Variants in CELF2 observed in about 807,000 individuals in gnomAD.
CELF2 encodes the protein CUG triplet repeat RNA-binding protein 2.
CELF2 carries 8 observed loss-of-function variants against 62.6 expected under a neutral mutation model. The ratio of observed to expected loss-of-function variants is 0.13; its 90% confidence interval spans 0.07 to 0.23. The LOEUF (loss-of-function observed/expected upper bound fraction) is 0.23, where lower values mean the gene tolerates loss of function less well. Among genes scored for constraint, CELF2 ranks in the 10% least tolerant of loss-of-function variants. The pLI is 1.00. For synonymous variants in CELF2, 258 were observed against 250.0 expected (o/e 1.03, Z -0.30); for missense variants, 333 against 671.0 (o/e 0.50, Z 5.56).
chr10:11,293,399 A>C (rs2092771264), intron 9 of CELF2, among the ~76,000 whole-genome samples: 1 of 152,230 alleles, frequency 6.6e-6, no homozygotes. Context: ...TATATGAATC[A>C]ATGCAAATGC....
chr10:10,556,201 G>A, the CELF2 span, among the ~76,000 whole-genome samples: 1 of 151,442 alleles, frequency 6.6e-6, no homozygotes, highest in African/African-American at 2.4e-5. Context: ...CCACATCACA[G>A]TCCCCAGAGT....
At chr10:10,579,525 T>TA in the CELF2 span, among the ~76,000 whole-genome samples, 142 of 152,146 alleles carry the variant, frequency 9.3e-4, no homozygotes, top group Non-Finnish European at 1.9e-3. Flanking sequence ...CCCGGGCTGT[T>TA]ATATACCATT....
chr10:11,119,869 C>CCCCCCCT (rs758205844), intron 1 of CELF2, among the ~76,000 whole-genome samples: 1,362 of 132,986 alleles, frequency 0.01, 22 homozygotes, highest in Admixed American at 0.018. Flanking sequence ...CCGCCTCCCC[C>CCCCCCCT]CCCCCGGCCC....
At chr10:10,650,368 A>G in the CELF2 span, among the ~76,000 whole-genome samples, 1 of 152,226 alleles carries the variant, frequency 6.6e-6, no homozygotes. Flanking sequence ...CCAAAGTAGT[A>G]TATCTTCCCA....
chr10:10,934,827 A>G lies in CELF2; in HGVS notation c.89+14828A>G, dbSNP rs2066459762. On this transcript the variant is annotated intron_variant, in intron 2 of 13. Transcript: ENST00000636488. This position sits in a 1 kb window ranked among gnomAD's most constrained non-coding sequence, Gnocchi z 4.4. ...AGGTTCGGTTGAAGTCATTTGGCAC[A>G]CCCAAATGGGTTTTGCAGTTGTCTT... 6.6e-6 allele frequency: 1 copy of G among 152,212 alleles called. No individual in the cohort carries two copies. Among genetic ancestry groups the G allele is most frequent in the Non-Finnish European group, 1.5e-5 (1 of 68,034 alleles). The allele number at this position is 152,212 out of a possible 1,614,324, so 9.4% of individuals were successfully genotyped here.
At chr10:10,892,923 G>A (rs80004765) in intron 1 of CELF2, among the ~76,000 whole-genome samples, 3,723 of 152,326 alleles carry the variant, frequency 0.024, 151 homozygotes, top group African/African-American at 0.085. Flanking sequence ...CATTCAGGTA[G>A]AGGTGACGGG....
At position 10,879,404 on chromosome 10, in the gene CELF2, G is replaced by A. The variant is rs866363542; in HGVS notation, c.54-40560G>A. Among the ~76,000 whole-genome samples the A allele has an allele frequency of 1.1e-4, 16 of 152,056 alleles. 1 individual carries two copies. The highest frequency in any genetic ancestry group is 8.3e-4 in the South Asian group (4 of 4,816). On this transcript the variant is annotated intron_variant, in intron 1 of 13. Coordinates refer to the CELF2 transcript ENST00000636488. ...AAGACTTGATTTAGAACTTGACTCCGGCCTATGTATTTAAAAAAGAAAATC... is the reference window on the plus strand; with the variant it reads ...AAGACTTGATTTAGAACTTGACTCCAGCCTATGTATTTAAAAAAGAAAATC...
chr10:10,757,063 AC>A, the CELF2 span, among the ~76,000 whole-genome samples: 2 of 149,822 alleles, frequency 1.3e-5, no homozygotes, highest in Non-Finnish European at 3.0e-5. Context: ...AATTGCTTGA[AC>A]CCTGGAGGTG....
chr10:11,026,600 A>C (rs192982858), intron 1 of CELF2, among the ~76,000 whole-genome samples: 1 of 152,338 alleles, frequency 6.6e-6, no homozygotes, highest in Non-Finnish European at 1.5e-5. Flanking sequence ...ACCCTGGCCT[A>C]GATTCAGTGT....
the CELF2 span, among the ~76,000 whole-genome samples, chr10:10,566,010 A>G: frequency 8.5e-5 from 13 of 152,168 alleles, no homozygotes; most frequent in African/African-American, 2.7e-4. Context: ...GAAGCTATAT[A>G]AAACAGAACT....
the CELF2 span, among the ~76,000 whole-genome samples, chr10:10,706,455 A>ATCC: frequency 6.6e-6 from 1 of 152,216 alleles, no homozygotes; most frequent in African/African-American, 2.4e-5. Context: ...AACCGTCAGC[A>ATCC]TCCTCTATCA....
intron 1 of CELF2, among the ~76,000 whole-genome samples, chr10:11,150,715 G>A (rs1260422111): frequency 6.6e-6 from 1 of 152,212 alleles, no homozygotes; most frequent in Non-Finnish European, 1.5e-5. Flanking sequence ...TGCTTTTGAA[G>A]CTGTGCTATG....
At position 11,237,918 on chromosome 10, in the gene CELF2, G is replaced by T. The variant is rs774049822; in HGVS notation, c.355-11235G>T. On this transcript the variant is annotated intron_variant, in intron 3 of 12. Coordinates refer to ENST00000633077, the MANE Select transcript of CELF2 (RefSeq NM_001326342.2). The surrounding 1 kb of genome is among the most constrained non-coding windows in gnomAD (Gnocchi z 4.0). The stretch of plus-strand genomic sequence containing the variant: ...AATGGTAAAAACCACAATCACTTTC[G>T]TACAAACCTAATAGAATCTAGGATT... Among the ~76,000 whole-genome samples the T allele has an allele frequency of 6.6e-6, 1 of 152,166 alleles. No individual in the cohort carries two copies. Among genetic ancestry groups the T allele is most frequent in the African/African-American group, 2.4e-5 (1 of 41,430 alleles).
At chr10:11,074,565 T>G (rs893686312) in intron 1 of CELF2, among the ~76,000 whole-genome samples, 8 of 152,224 alleles carry the variant, frequency 5.3e-5, no homozygotes, top group Non-Finnish European at 1.0e-4. Flanking sequence ...ATATTCACTA[T>G]GGGATAAATT....
the CELF2 span, among the ~76,000 whole-genome samples, chr10:10,590,579 G>A: frequency 1.3e-5 from 2 of 152,076 alleles, no homozygotes; most frequent in South Asian, 2.1e-4. Flanking sequence ...ACTACCACCA[G>A]CCACGAAGGT....
intron 1 of CELF2, among the ~76,000 whole-genome samples, chr10:10,916,680 G>A (rs1375467087): frequency 6.6e-6 from 1 of 152,116 alleles, no homozygotes; most frequent in South Asian, 2.1e-4. Flanking sequence ...TGGCGTGATC[G>A]CTGCTCACTG....
intron 3 of CELF2, among the ~76,000 whole-genome samples, chr10:11,225,626 T>A (rs1398882291): frequency 6.6e-6 from 1 of 152,324 alleles, no homozygotes; most frequent in South Asian, 2.1e-4. Context: ...AGCTTAGTAC[T>A]CATAATTTTT....
At chr10:10,926,774 G>A (rs2065511488) in intron 2 of CELF2, among the ~76,000 whole-genome samples, 1 of 152,144 alleles carries the variant, frequency 6.6e-6, no homozygotes, top group South Asian at 2.1e-4. Flanking sequence ...GGTAGGAGTC[G>A]GGGTAAGGGG....
At chr10:11,182,250 C>T (rs1433590121) in intron 2 of CELF2, among the ~76,000 whole-genome samples, 3 of 152,182 alleles carry the variant, frequency 2.0e-5, no homozygotes, top group East Asian at 1.9e-4. Context: ...CTGATGTAAC[C>T]GGGGAGCGGG....
Sources: gnomAD v4.1 joint callset for allele counts (sites outside exome capture counted in the v4.1 genomes callset) on GRCh38, gnomAD v4.1.1 for gene constraint, Gnocchi (gnomAD v3.1) non-coding constraint, MANE v1.5 for transcripts, NCBI Gene and HGNC (gene_info 2026-07-23, HGNC 2026-07-21) for gene names.